The following LIMCH1 variants were observed in gnomAD, a reference collection of about 807,000 sequenced individuals.
The protein encoded by LIMCH1 is LIM and calponin homology domains-containing protein 1.
In LIMCH1, 113 loss-of-function variants were observed where a neutral mutation model predicts 176.5. The ratio of observed to expected loss-of-function variants is 0.64; its 90% CI spans 0.55 to 0.75. The LOEUF (loss-of-function observed/expected upper bound fraction) is 0.75. LIMCH1 is among the 30% of genes least tolerant of loss of function. The pLI is 0.00. For synonymous variants in LIMCH1, 619 were observed against 645.9 expected (o/e 0.96, Z 0.63); for missense variants, 1,674 against 1,814.9 (o/e 0.92, Z 1.41).
At chr4:41,469,665 G>GATTGATTGATTTATTTATTTATTT (rs1554061021) in intron 1 of LIMCH1, among the ~76,000 whole-genome samples, 1 of 148,248 alleles carries the variant, frequency 6.7e-6, no homozygotes, top group South Asian at 2.2e-4. Flanking sequence ...CTTGTTTTGA[G>GATTGATTGATTTATTTATTTATTT]ATTTATTTAT....
At chr4:41,488,932 A>G (rs1044247414) in intron 1 of LIMCH1, among the ~76,000 whole-genome samples, 1 of 152,108 alleles carries the variant, frequency 6.6e-6, no homozygotes, top group African/African-American at 2.4e-5. Flanking sequence ...TGATATGTTT[A>G]TTAGGTAAGC....
chr4:41,459,483 G>A (rs146758870), intron 1 of LIMCH1, among the ~76,000 whole-genome samples: 22 of 152,088 alleles, frequency 1.4e-4, no homozygotes, highest in African/African-American at 5.1e-4. Context: ...TTAATTTTCT[G>A]TAAAGACGAG....
At chr4:41,472,268 G>T (rs892132828) in intron 1 of LIMCH1, among the ~76,000 whole-genome samples, 4 of 152,326 alleles carry the variant, frequency 2.6e-5, no homozygotes, top group Admixed American at 2.6e-4. Context: ...GTAGGCGCCT[G>T]TTTGGCGCCT....
At chr4:41,501,712 C>G (rs1311235676) in intron 2 of LIMCH1, among the ~76,000 whole-genome samples, 2 of 152,018 alleles carry the variant, frequency 1.3e-5, no homozygotes, top group Non-Finnish European at 2.9e-5. Flanking sequence ...TGATGAGGCA[C>G]AATTACTGAA....
upstream of LIMCH1, among the ~76,000 whole-genome samples, chr4:41,535,327 T>C (rs1293704615): frequency 1.3e-5 from 2 of 152,158 alleles, no homozygotes; most frequent in Non-Finnish European, 2.9e-5. Context: ...CTGATGGCCA[T>C]AACAAAGTAC....
chr4:41,526,789 C>T (rs562079394), intron 3 of LIMCH1, among the ~76,000 whole-genome samples: 1 of 152,314 alleles, frequency 6.6e-6, no homozygotes, highest in African/African-American at 2.4e-5. Context: ...ACCTATTTCC[C>T]AATGTAAGTG....
intron 19 of LIMCH1, among the ~76,000 whole-genome samples, chr4:41,662,588 A>G (rs1008254977): frequency 6.6e-6 from 1 of 152,168 alleles, no homozygotes; most frequent in Non-Finnish European, 1.5e-5. Context: ...TAAGTTCTTC[A>G]TAGTGTGGTT....
At chr4:41,516,665 C>T (rs79243284) in intron 2 of LIMCH1, among the ~76,000 whole-genome samples, 3,687 of 152,328 alleles carry the variant, frequency 0.024, 71 homozygotes, top group Middle Eastern at 0.054. Flanking sequence ...TAATTGCTGT[C>T]TGTTCCTTCC....
intron 1 of LIMCH1, among the ~76,000 whole-genome samples, chr4:41,423,336 G>T (rs962133279): frequency 5.9e-5 from 9 of 152,184 alleles, no homozygotes; most frequent in African/African-American, 1.7e-4. Flanking sequence ...CATGAAGTCT[G>T]GGAAAGAGTT....
chr4:41,639,345 G>C (rs2093725588), intron 14 of LIMCH1, among the ~76,000 whole-genome samples: 1 of 152,188 alleles, frequency 6.6e-6, no homozygotes, highest in Non-Finnish European at 1.5e-5. Context: ...AGTTAACAAT[G>C]AGGTAGTCAT....
At chr4:41,645,873 C>A (rs1399879682) in intron 15 of LIMCH1, among the ~76,000 whole-genome samples, 1 of 152,234 alleles carries the variant, frequency 6.6e-6, no homozygotes, top group African/African-American at 2.4e-5. Context: ...TTGCATATTT[C>A]ACACTGCCAT....
chr4:41,658,265 GT>G (rs2094518332), intron 18 of LIMCH1, among the ~76,000 whole-genome samples: 1 of 152,208 alleles, frequency 6.6e-6, no homozygotes, highest in South Asian at 2.1e-4. Flanking sequence ...GCACTGACAC[GT>G]GGCAAGTGCA....
chr4:41,605,814 G>C (rs2090624907), intron 3 of LIMCH1, 80 bp from the exon 4 acceptor site: 1 of 799,094 alleles, frequency 1.3e-6, no homozygotes, highest in African/African-American at 1.7e-5. Context: ...CTGCCTTCCT[G>C]TTAGTGGTAC....
chr4:41,513,191 CAAAG>C, intron 2 of LIMCH1, among the ~76,000 whole-genome samples: 1 of 152,062 alleles, frequency 6.6e-6, no homozygotes. Flanking sequence ...TAACATCAGA[CAAAG>C]AAAGGCCATG....
chr4:41,644,377 A>G, intron 14 of LIMCH1, 123 bp from the exon 15 acceptor site: 1 of 1,270,528 alleles, frequency 7.9e-7, no homozygotes, highest in Non-Finnish European at 1.0e-6. Context: ...CGCTGTGCGC[A>G]GCCCGGGAAG....
At chr4:41,459,646 G>A (rs1386784924) in intron 1 of LIMCH1, among the ~76,000 whole-genome samples, 2 of 152,072 alleles carry the variant, frequency 1.3e-5, no homozygotes, top group Admixed American at 1.3e-4. Flanking sequence ...AGGGAATTAG[G>A]TATGTGGATG....
At chr4:41,544,835 CT>C (rs1380724786) in intron 1 of LIMCH1, among the ~76,000 whole-genome samples, 1 of 152,174 alleles carries the variant, frequency 6.6e-6, no homozygotes, top group Non-Finnish European at 1.5e-5. Context: ...CTGCTGAGGA[CT>C]ACACAAGATT....
intron 1 of LIMCH1, among the ~76,000 whole-genome samples, chr4:41,563,581 T>C (rs1316013200): frequency 2.0e-5 from 3 of 152,214 alleles, no homozygotes; most frequent in African/African-American, 4.8e-5. Flanking sequence ...TCCATTGTCC[T>C]GAATTTGTAG....
intron 22 of LIMCH1, among the ~76,000 whole-genome samples, chr4:41,675,972 A>G (rs2095203813): frequency 6.6e-6 from 1 of 152,356 alleles, no homozygotes; most frequent in African/African-American, 2.4e-5. Flanking sequence ...CGTGGCAAAC[A>G]ACACTTCTTA....
Sources: allele counts gnomAD v4.1 joint callset (sites outside exome capture counted in the v4.1 genomes callset), GRCh38; gene constraint gnomAD v4.1.1; transcripts MANE v1.5; gene names NCBI Gene and HGNC (gene_info 2026-07-23, HGNC 2026-07-21).